PCDHGB3: variants seen among roughly 807,000 people sequenced by gnomAD.
PCDHGB3 encodes protocadherin gamma subfamily B, 3, also known as protocadherin gamma-B3.
Under a neutral mutation model 59.2 loss-of-function variants are expected in PCDHGB3, and 40 were observed. The ratio of observed to expected loss-of-function variants is 0.68; its 90% confidence interval spans 0.52 to 0.88. PCDHGB3 has a LOEUF of 0.88. PCDHGB3 is among the 40% of genes least tolerant of loss of function. The probability of loss-of-function intolerance (pLI) is 0.00; values close to 1 mark genes in which losing one functional copy is unlikely to be tolerated. For synonymous variants in PCDHGB3, 581 were observed against 503.6 expected, an observed-to-expected ratio of 1.15 and a Z score of -2.06; for missense variants, 1,309 against 1,187.9, an observed-to-expected ratio of 1.10 and a Z score of -1.50.
rs751024373 is a variant in PCDHGB3, at chr5:141,491,801, G to A, written c.2416-3006G>A. On this transcript the variant is annotated intron_variant, in intron 1 of 3. Coordinates refer to ENST00000576222, the MANE Select transcript of PCDHGB3 (RefSeq NM_018924.5). The surrounding 1 kb of genome is among the most constrained non-coding windows in gnomAD (Gnocchi z 6.9). ...AACTTGCATCCACTCCTCTCCGGCC[G>A]GCTTGGTCGCTGGCTGCGCTCCACC... 2.7e-6 allele frequency: 4 copies of A among 1,500,726 alleles called. No homozygotes were observed. The Admixed American group carries it at 7.3e-5, about 28-fold the overall frequency. 93.0% of individuals were successfully genotyped at this position (1,500,726 alleles called of 1,614,324 possible). A position where few individuals can be genotyped will look rare whatever the true frequency, so the allele number is the denominator to read the frequency against.
In PCDHGB3 at chr5:141,374,712, T is replaced by C. The variant is rs745500934; in HGVS notation, c.2415+1903T>C. The stretch of plus-strand genomic sequence containing the variant: ...CGGGAAGGAGAAGCCGTTTACCGCC[T>C]GGTCCTTACTGCCATGGATGGCGGC... On this transcript the variant is annotated intron_variant, in intron 1 of 3. Transcript: ENST00000576222. The C allele has an allele frequency of 6.2e-7, 1 of 1,609,662 alleles. No individual in the cohort carries two copies. The highest frequency in any genetic ancestry group is 8.5e-7 in the Non-Finnish European group (1 of 1,177,766).
intron 1 of PCDHGB3, chr5:141,423,466 G>C (rs770939556): frequency 1.2e-6 from 2 of 1,613,904 alleles, no homozygotes; most frequent in Admixed American, 3.3e-5. Context: ...CGTGGACGGG[G>C]TACAGGCTTT....
At chr5:141,418,755 G>A (rs1489556538) in intron 1 of PCDHGB3, 8 of 1,613,898 alleles carry the variant, frequency 5.0e-6, no homozygotes, top group South Asian at 1.1e-5. Context: ...TACACTACAG[G>A]AAACATTCTA....
At position 141,393,888 on chromosome 5, in the gene PCDHGB3, A is replaced by T. The variant is rs371905513; in HGVS notation, c.2415+21079A>T. 2.5e-6 allele frequency: 4 copies of T among 1,613,898 alleles called. No homozygotes were observed. The highest frequency in any genetic ancestry group is 1.3e-5 in the African/African-American group (1 of 74,932). On this transcript the variant is annotated intron_variant, in intron 1 of 3. Transcript: ENST00000576222. ...GTCTTTGTTTAGCCCAGTGTTAGAAAATTCTCTTCCCGGGACAGTAATTGC... is the reference window on the plus strand; with the variant it reads ...GTCTTTGTTTAGCCCAGTGTTAGAATATTCTCTTCCCGGGACAGTAATTGC...
chr5:141,451,955 A>T (rs1004010741), intron 1 of PCDHGB3, among the ~76,000 whole-genome samples: 2 of 152,196 alleles, frequency 1.3e-5, no homozygotes, highest in Admixed American at 1.3e-4. Flanking sequence ...CGAGAAAGTG[A>T]CATACCATCA....
intron 1 of PCDHGB3, chr5:141,478,247 G>A (rs1377698933): frequency 1.2e-6 from 2 of 1,614,074 alleles, no homozygotes; most frequent in Admixed American, 3.3e-5. Context: ...CACAGTGTTC[G>A]GAGTAATCAT....
intron 1 of PCDHGB3, chr5:141,441,126 C>T (rs1319809408): frequency 6.6e-6 from 1 of 152,062 alleles, no homozygotes; most frequent in Non-Finnish European, 1.5e-5. Context: ...CAGTTGAGAC[C>T]GAATTTCTAG....
In PCDHGB3 at chr5:141,489,835, C is replaced by G; in HGVS notation, c.2416-4972C>G. On this transcript the variant is annotated intron_variant, in intron 1 of 3. Transcript: ENST00000576222. This position sits in a 1 kb window ranked among gnomAD's most constrained non-coding sequence, Gnocchi z 4.5. Reference sequence around the variant, plus strand: ...ATTCCCAGAGCTGGTGCTAGAGCAGCAGCTGGATCGTGAAGCCCAGGCAAG... The same window carrying G: ...ATTCCCAGAGCTGGTGCTAGAGCAGGAGCTGGATCGTGAAGCCCAGGCAAG... The G allele has an allele frequency of 6.2e-7, 1 of 1,614,164 alleles. No homozygotes were observed. Among genetic ancestry groups the G allele is most frequent in the Non-Finnish European group, 8.5e-7 (1 of 1,179,972 alleles).
At chr5:141,478,306 G>A (rs1316502939) in intron 1 of PCDHGB3, 2 of 1,614,056 alleles carry the variant, frequency 1.2e-6, no homozygotes, top group South Asian at 2.2e-5. Flanking sequence ...ACCGAGCCCC[G>A]GTGAGCTCAC....
intron 1 of PCDHGB3, chr5:141,415,228 C>A: frequency 1.2e-6 from 2 of 1,614,168 alleles, no homozygotes; most frequent in South Asian, 2.2e-5. Flanking sequence ...CTTCGAGTCT[C>A]CAGCTAACTC....
At chr5:141,376,387 G>C (rs772638473) in intron 1 of PCDHGB3, 1 of 1,614,218 alleles carries the variant, frequency 6.2e-7, no homozygotes, top group Admixed American at 1.7e-5. Flanking sequence ...AGAGTCATCT[G>C]ATTTTCCCCC....
intron 1 of PCDHGB3, chr5:141,375,729 G>A: frequency 1.9e-6 from 3 of 1,614,264 alleles, no homozygotes; most frequent in Non-Finnish European, 2.5e-6. Flanking sequence ...GTGTCACTGA[G>A]CCTGTTTGTG....
At chr5:141,383,857 C>T (rs1779530315) in intron 1 of PCDHGB3, 2 of 1,613,810 alleles carry the variant, frequency 1.2e-6, no homozygotes, top group Non-Finnish European at 1.7e-6. Context: ...AATGGAGGTT[C>T]AGGCTCAAGA....
At chr5:141,383,220 C>T in intron 1 of PCDHGB3, 1 of 1,613,982 alleles carries the variant, frequency 6.2e-7, no homozygotes, top group East Asian at 2.2e-5. Context: ...TAAACTTTAA[C>T]ATCCTGATGG....
Position 141,370,433 on chromosome 5 carries a change from G to A in PCDHGB3, c.39G>A (p.Gln13=). 6.2e-7 allele frequency: 1 copy of A among 1,601,376 alleles called. No homozygotes were observed. Among genetic ancestry groups the A allele is most frequent in the Non-Finnish European group, 8.5e-7 (1 of 1,173,556 alleles). ...CCGGATGGAGGGGCCCAGCAGGGCA[G>A]AGGCGAATGCTATTTCTCTTCCTGC... The part of the protein sequence containing the change: ...NSSGWRGPAG[Q]RRMLFLFLLS... Residue 13 remains glutamine, a synonymous_variant, in exon 1 of 4, where the codon CAG becomes CAA. Transcript: ENST00000576222.
At chr5:141,399,796 C>T (rs62621781) in intron 1 of PCDHGB3, 21,149 of 1,613,212 alleles carry the variant, frequency 0.013, 194 homozygotes, top group Non-Finnish European at 0.015. Context: ...CAACGCACCG[C>T]GGGTGCTGTA....
chr5:141,384,547 C>T (rs1780195966), intron 1 of PCDHGB3: 15 of 1,614,252 alleles, frequency 9.3e-6, no homozygotes, highest in Non-Finnish European at 1.3e-5. Flanking sequence ...GTCACTGAGC[C>T]TGTTCGTGCT....
intron 3 of PCDHGB3, among the ~76,000 whole-genome samples, chr5:141,509,345 G>A (rs1203328830): frequency 6.6e-6 from 1 of 152,196 alleles, no homozygotes; most frequent in Non-Finnish European, 1.5e-5. Flanking sequence ...GGCCTGGGCT[G>A]GCCTGGGCAT....
At chr5:141,467,097 G>A (rs912875702) in intron 1 of PCDHGB3, among the ~76,000 whole-genome samples, 1 of 150,152 alleles carries the variant, frequency 6.7e-6, no homozygotes, top group Non-Finnish European at 1.5e-5. Context: ...CTGTCACACA[G>A]GCTGGAGTAC....
Sources: allele counts gnomAD v4.1 joint callset (sites outside exome capture counted in the v4.1 genomes callset), GRCh38; gene constraint gnomAD v4.1.1; non-coding constraint Gnocchi (gnomAD v3.1); transcripts MANE v1.5; gene names NCBI Gene and HGNC (gene_info 2026-07-23, HGNC 2026-07-21).